Variants in POM121C observed in about 807,000 individuals in gnomAD.
POM121C encodes nuclear envelope pore membrane protein POM 121C.
In POM121C, 20 loss-of-function variants were observed where a neutral mutation model predicts 66.4. The observed-to-expected ratio is 0.30, with a 90% confidence interval of 0.21 to 0.44. The LOEUF (loss-of-function observed/expected upper bound fraction) is 0.44, where lower values mean the gene tolerates loss of function less well. POM121C is among the 20% of genes least tolerant of loss of function. POM121C has a pLI of 1.00. For missense variants in POM121C, 580 were observed against 1,225.7 expected (o/e 0.47, Z 7.87); for synonymous variants, 286 against 528.0 (o/e 0.54, Z 6.28).
rs1554473862 is a variant in POM121C at position 75,440,986 on chromosome 7, T to C, written c.195A>G (p.Gln65=). The part of the protein sequence containing the change: ...KKKRTVEEED[Q]IFLDGQENKR... ...TATTTTCCTGGCCATCAAGGAATAT[T>C]TGGTCTTCTTCCTCCACTGTCCTTT... The change falls in exon 5 of 15, where the codon CAA becomes CAG. Residue 65 remains glutamine (Q), a synonymous_variant. Coordinates refer to ENST00000615331, the MANE Select transcript of POM121C (RefSeq NM_001099415.3). 6.2e-7 allele frequency: 1 copy of C among 1,613,970 alleles called. No individual in the cohort carries two copies. The highest frequency in any genetic ancestry group is 1.7e-5 in the Admixed American group (1 of 60,018).
At chr7:75,479,328 T>A (rs1311689447) in intron 1 of POM121C, among the ~76,000 whole-genome samples, 1 of 152,158 alleles carries the variant, frequency 6.6e-6, no homozygotes, top group African/African-American at 2.4e-5. Context: ...CTTTAAAAGA[T>A]ACCTGGGCCA....
chr7:75,484,662 CAAAAAAAAAAA>C (rs10690558), intron 1 of POM121C, among the ~76,000 whole-genome samples: 1 of 48,670 alleles, frequency 2.1e-5, no homozygotes, highest in Non-Finnish European at 3.6e-5. Context: ...GACACTGTCT[CAAAAAAAAAAA>C]AAAAAAAAAA....
intron 5 of POM121C, 97 bp from the exon 6 acceptor site, chr7:75,439,321 T>C (rs1339584290): frequency 2.7e-6 from 4 of 1,507,458 alleles, no homozygotes; most frequent in African/African-American, 2.8e-5. Flanking sequence ...ACTATCTCTA[T>C]GGAGCACAGA....
chr7:75,466,751 A>T (rs1257585268), intron 3 of POM121C, among the ~76,000 whole-genome samples: 1 of 149,238 alleles, frequency 6.7e-6, no homozygotes. Context: ...CTAATCAAAG[A>T]AAAAAAAAAA....
At chr7:75,468,094 T>C (rs1423164198) in intron 3 of POM121C, among the ~76,000 whole-genome samples, 66 of 124,582 alleles carry the variant, frequency 5.3e-4, no homozygotes, top group Non-Finnish European at 9.0e-4. Flanking sequence ...ATGGCACAAC[T>C]GCACCCCAAC....
intron 7 of POM121C, among the ~76,000 whole-genome samples, chr7:75,431,603 CAAAAAAAAAAAAA>C (rs71098029): frequency 7.9e-5 from 4 of 50,756 alleles, no homozygotes; most frequent in South Asian, 1.8e-3. Flanking sequence ...AACTCCGTCT[CAAAAAAAAAAAAA>C]AAAAAAAAAA....
intron 6 of POM121C, among the ~76,000 whole-genome samples, chr7:75,437,986 G>A (rs1790479484): frequency 6.6e-6 from 1 of 152,198 alleles, no homozygotes; most frequent in African/African-American, 2.4e-5. Context: ...TTACAGGCAT[G>A]TGGGAACTTT....
At chr7:75,460,005 T>A (rs1477295883) in intron 3 of POM121C, among the ~76,000 whole-genome samples, 1 of 109,920 alleles carries the variant, frequency 9.1e-6, no homozygotes, top group Non-Finnish European at 1.9e-5. Flanking sequence ...CTGAATTGAT[T>A]TAGCATGGCA....
At chr7:75,448,298 G>A (rs1175662145) in intron 3 of POM121C, among the ~76,000 whole-genome samples, 1 of 151,994 alleles carries the variant, frequency 6.6e-6, no homozygotes, top group African/African-American at 2.4e-5. Context: ...AAATGTTAAC[G>A]GATGTCCTTC....
chr7:75,465,321 G>C (rs1791589351), intron 3 of POM121C, among the ~76,000 whole-genome samples: 1 of 151,648 alleles, frequency 6.6e-6, no homozygotes, highest in Non-Finnish European at 1.5e-5. Flanking sequence ...AAAATGGTAT[G>C]TGGACTGGGT....
chr7:75,451,228 A>T (rs1416134868), intron 3 of POM121C, among the ~76,000 whole-genome samples: 1 of 152,028 alleles, frequency 6.6e-6, no homozygotes, highest in Non-Finnish European at 1.5e-5. Flanking sequence ...GACGATACTA[A>T]GCAAAAAGAA....
At chr7:75,435,762 T>C (rs782711322) in intron 7 of POM121C, among the ~76,000 whole-genome samples, 1 of 152,202 alleles carries the variant, frequency 6.6e-6, no homozygotes, top group Non-Finnish European at 1.5e-5. Flanking sequence ...TATTTTGAAA[T>C]TGCATGGCCA....
chr7:75,429,118 T>G (rs1221306075), intron 7 of POM121C, among the ~76,000 whole-genome samples: 1 of 152,202 alleles, frequency 6.6e-6, no homozygotes, highest in Non-Finnish European at 1.5e-5. Flanking sequence ...TTTATTATTA[T>G]GTCTATTCAA....
intron 3 of POM121C, chr7:75,442,150 G>C: frequency 7.4e-7 from 1 of 1,359,066 alleles, no homozygotes; most frequent in Middle Eastern, 2.0e-4. Flanking sequence ...CTCACCGTGG[G>C]GAAGGCCTCC....
intron 3 of POM121C, among the ~76,000 whole-genome samples, chr7:75,456,656 A>G (rs1791225782): frequency 6.6e-6 from 1 of 152,280 alleles, no homozygotes; most frequent in Non-Finnish European, 1.5e-5. Flanking sequence ...GGGACATGAG[A>G]CACAATCAAC....
At chr7:75,462,313 T>C (rs747550712) in intron 3 of POM121C, among the ~76,000 whole-genome samples, 41 of 152,148 alleles carry the variant, frequency 2.7e-4, no homozygotes, top group Non-Finnish European at 4.7e-4. Context: ...TCCACCATGA[T>C]TGTAAGTCTC....
Position 75,421,800 on chromosome 7 carries a change from C to T in POM121C, c.2452G>A (p.Ala818Thr), listed in dbSNP as rs377568273. 14 of 1,608,088 alleles carry T rather than the reference C, an allele frequency of 8.7e-6. No individual in the cohort carries two copies. Among genetic ancestry groups the T allele is most frequent in the Admixed American group, 3.4e-5 (2 of 59,646 alleles). ...ACCGAGCTGCTGCTCCCGCTGCTGG[C>T]GGTCTGGGTGGTGGCTCCAAAGCCG... ...SSGFGATTQT[A>T]SSGSSSSVFG... The change falls in exon 13 of 15, where the codon GCC becomes ACC. Residue 818 changes from alanine to threonine, a missense_variant. Transcript: ENST00000615331.
intron 10 of POM121C, 133 bp from the exon 11 acceptor site, chr7:75,424,761 C>G: frequency 7.4e-7 from 1 of 1,347,974 alleles, no homozygotes; most frequent in Non-Finnish European, 1.1e-6. Context: ...GAGTTTGAGG[C>G]TGGCCTGGCC....
chr7:75,440,635 C>A (rs1442837652), intron 5 of POM121C: 13 of 395,822 alleles, frequency 3.3e-5, no homozygotes, highest in African/African-American at 2.5e-4. Context: ...AAAATTCCGA[C>A]CGGAAGACTT....
Sources: gnomAD v4.1 joint callset for allele counts (sites outside exome capture counted in the v4.1 genomes callset) on GRCh38, gnomAD v4.1.1 for gene constraint, MANE v1.5 for transcripts, NCBI Gene and HGNC (gene_info 2026-07-23, HGNC 2026-07-21) for gene names.